DLC1: variants seen among roughly 807,000 people sequenced by gnomAD.
DLC1 encodes the protein rho GTPase-activating protein 7.
DLC1 carries 54 observed loss-of-function variants against 140.3 expected under a neutral mutation model. The ratio of observed to expected loss-of-function variants is 0.38; its 90% confidence interval spans 0.31 to 0.48. The LOEUF (loss-of-function observed/expected upper bound fraction) is 0.48. Among genes scored for constraint, DLC1 ranks in the 20% least tolerant of loss-of-function variants. The pLI, the probability that DLC1 is intolerant of heterozygous loss-of-function variation, is 0.96. For synonymous variants in DLC1, 986 were observed against 728.1 expected (o/e 1.35, Z -5.70); for missense variants, 2,536 against 1,907.0 (o/e 1.33, Z -6.14).
chr8:13,351,942 C>A (rs1834689592), intron 4 of DLC1, among the ~76,000 whole-genome samples: 2 of 152,204 alleles, frequency 1.3e-5, no homozygotes. Flanking sequence ...CCATGTTGGC[C>A]AGGCTGGTCT....
intron 6 of DLC1, among the ~76,000 whole-genome samples, chr8:13,112,372 G>C (rs1181214254): frequency 6.6e-6 from 1 of 152,096 alleles, no homozygotes; most frequent in Non-Finnish European, 1.5e-5. Context: ...CTATTTTCTA[G>C]AGATAATATA....
In DLC1 at chr8:13,092,615, G is replaced by A; in HGVS notation, c.3737C>T (p.Pro1246Leu). 4 of 1,614,042 alleles carry A rather than the reference G, an allele frequency of 2.5e-6. No individual in the cohort carries two copies. The highest frequency in any genetic ancestry group is 1.7e-4 in the Middle Eastern group (1 of 6,028). Reference sequence around the variant, plus strand: ...GCACCTCCCATGCAGCCCGTACCTGGGAGAGGAATTCTCTCTCTTCAGGGT... The same window carrying A: ...GCACCTCCCATGCAGCCCGTACCTGAGAGAGGAATTCTCTCTCTTCAGGGT... ...LNTLKRENSS[P>L]RVMQRKQSLG... Residue 1246 changes from proline to leucine, a missense_variant, in exon 13 of 18, where the codon CCC (proline) becomes CTC (leucine). Transcript: ENST00000276297.
intron 2 of DLC1, among the ~76,000 whole-genome samples, chr8:13,427,605 C>T (rs911308691): frequency 6.6e-6 from 1 of 152,104 alleles, no homozygotes; most frequent in Non-Finnish European, 1.5e-5. Context: ...ATTCATTCTC[C>T]ATGGGATAAT....
At chr8:13,451,504 C>A (rs896990474) in intron 2 of DLC1, among the ~76,000 whole-genome samples, 5 of 152,116 alleles carry the variant, frequency 3.3e-5, no homozygotes, top group African/African-American at 1.2e-4. Flanking sequence ...TCCCCACAGT[C>A]CCCCACCCTG....
intron 5 of DLC1, among the ~76,000 whole-genome samples, chr8:13,279,016 G>T (rs947503294): frequency 2.0e-5 from 3 of 152,154 alleles, no homozygotes; most frequent in African/African-American, 7.2e-5. Flanking sequence ...TAATCAACTT[G>T]GTTGGTCTTA....
chr8:13,156,288 G>A (rs1204978752), intron 5 of DLC1, among the ~76,000 whole-genome samples: 7 of 152,234 alleles, frequency 4.6e-5, no homozygotes, highest in South Asian at 4.2e-4. Context: ...ATGTCATCCC[G>A]TAGGATCCAA....
chr8:13,554,110 A>G (rs1374861856), intron 1 of DLC1, among the ~76,000 whole-genome samples: 2 of 152,032 alleles, frequency 1.3e-5, no homozygotes, highest in African/African-American at 4.8e-5. Context: ...TCTGTGGCCC[A>G]GGTTGGAGTG....
intron 1 of DLC1, among the ~76,000 whole-genome samples, chr8:13,561,531 G>A (rs1250744341): frequency 6.6e-6 from 1 of 152,058 alleles, no homozygotes; most frequent in Non-Finnish European, 1.5e-5. Context: ...TGGGTAAAGT[G>A]AATAATATTC....
intron 1 of DLC1, among the ~76,000 whole-genome samples, chr8:13,553,768 C>A (rs1031482032): frequency 6.6e-6 from 1 of 152,104 alleles, no homozygotes; most frequent in African/African-American, 2.4e-5. Flanking sequence ...AGTCTTTGAT[C>A]CCTACACCTT....
chr8:13,457,701 A>AG (rs1799470562), intron 2 of DLC1, among the ~76,000 whole-genome samples: 1 of 144,794 alleles, frequency 6.9e-6, no homozygotes, highest in Non-Finnish European at 1.5e-5. Context: ...AAAAAAAAAA[A>AG]GAAATAAAAA....
chr8:13,238,470 G>A (rs981273598), intron 5 of DLC1, among the ~76,000 whole-genome samples: 2 of 151,752 alleles, frequency 1.3e-5, no homozygotes, highest in East Asian at 3.9e-4. Flanking sequence ...CCACGTTCAC[G>A]CCACTGCACT....
At chr8:13,215,412 C>T (rs957693536) in intron 5 of DLC1, among the ~76,000 whole-genome samples, 2 of 152,010 alleles carry the variant, frequency 1.3e-5, no homozygotes, top group African/African-American at 4.8e-5. Context: ...ATGGTGAAAC[C>T]CCATCTCTAC....
At chr8:13,597,565 C>G (rs921964551) in intron 1 of DLC1, among the ~76,000 whole-genome samples, 17 of 151,842 alleles carry the variant, frequency 1.1e-4, no homozygotes, top group African/African-American at 4.1e-4. Flanking sequence ...TGTATAATCA[C>G]AATAAGATAA....
intron 1 of DLC1, among the ~76,000 whole-genome samples, chr8:13,546,422 A>C (rs1236237331): frequency 1.3e-5 from 2 of 152,124 alleles, no homozygotes; most frequent in Non-Finnish European, 2.9e-5. Flanking sequence ...ACAGGATTGG[A>C]TTGCATCCTT....
intron 1 of DLC1, among the ~76,000 whole-genome samples, chr8:13,594,817 G>A (rs1456790813): frequency 6.6e-6 from 1 of 151,648 alleles, no homozygotes; most frequent in Non-Finnish European, 1.5e-5. Flanking sequence ...TAGAAGAAAT[G>A]ATCTAATTTC....
chr8:13,417,912 C>T (rs191793319), intron 2 of DLC1, among the ~76,000 whole-genome samples: 3 of 151,676 alleles, frequency 2.0e-5, no homozygotes, highest in Admixed American at 6.6e-5. Context: ...CATTCTAACT[C>T]GTGTGAGATG....
chr8:13,473,311 G>A (rs564732321), intron 2 of DLC1, among the ~76,000 whole-genome samples: 132 of 152,112 alleles, frequency 8.7e-4, no homozygotes, highest in East Asian at 7.2e-3. Context: ...TTGAATCATG[G>A]GGGCAGGTCT....
intron 5 of DLC1, among the ~76,000 whole-genome samples, chr8:13,131,227 G>C (rs995635982): frequency 6.6e-6 from 1 of 152,124 alleles, no homozygotes; most frequent in Non-Finnish European, 1.5e-5. Context: ...CCAGTCTGTA[G>C]TCCAGATGGA....
chr8:13,516,480 T>G (rs548261755), upstream of DLC1, among the ~76,000 whole-genome samples: 2 of 152,296 alleles, frequency 1.3e-5, no homozygotes, highest in Admixed American at 6.5e-5. Flanking sequence ...ACTACTATTT[T>G]TTTCCTTATT....
Sources: allele counts gnomAD v4.1 joint callset (sites outside exome capture counted in the v4.1 genomes callset), GRCh38; gene constraint gnomAD v4.1.1; transcripts MANE v1.5; gene names NCBI Gene and HGNC (gene_info 2026-07-23, HGNC 2026-07-21).